Variants in ZNF302 observed in about 807,000 individuals in gnomAD.
ZNF302 encodes zinc finger protein 327.
A neutral mutation model predicts 10.8 loss-of-function variants in ZNF302; 12 were observed. That is an observed-to-expected ratio of 1.11 (90% CI 0.71 to 1.79). The LOEUF is 1.79. Ranked by LOEUF, ZNF302 falls within the 40% of genes most tolerant of loss-of-function variation. The probability of loss-of-function intolerance (pLI) is 0.00; values close to 1 mark genes in which losing one functional copy is unlikely to be tolerated. For synonymous variants in ZNF302, 178 were observed against 157.5 expected (o/e 1.13, Z -0.98); for missense variants, 461 against 471.1 (o/e 0.98, Z 0.20).
chr19:34,684,197 A>G, intron 4 of ZNF302, 55 bp from the exon 5 acceptor site: 1 of 1,283,842 alleles, frequency 7.8e-7, no homozygotes, highest in Admixed American at 3.1e-5. Context: ...AAAAAAAAAA[A>G]AAAAAAAAAA....
chr19:34,684,225 G>C (rs1478878103), intron 4 of ZNF302, 27 bp from the exon 5 acceptor site: 2 of 650,582 alleles, frequency 3.1e-6, no homozygotes, highest in Non-Finnish European at 4.8e-6. Flanking sequence ...AAAAAAGGCA[G>C]TGCTTTGCTT....
chr19:34,678,667 T>G, intron 1 of ZNF302, 70 bp from the exon 2 acceptor site: 1 of 799,380 alleles, frequency 1.3e-6, no homozygotes, highest in Non-Finnish European at 2.1e-6. Flanking sequence ...TCCATTAAGG[T>G]GTGTGACAGG....
At chr19:34,683,299 T>C in intron 4 of ZNF302, 61 bp downstream of exon 4, 1 of 1,601,116 alleles carries the variant, frequency 6.2e-7, no homozygotes, top group Non-Finnish European at 8.6e-7. Context: ...AAGATGTTTA[T>C]AGTGAGTGTG....
upstream of ZNF302, chr19:34,676,857 C>G (rs184702982): frequency 6.6e-6 from 1 of 152,248 alleles, no homozygotes; most frequent in African/African-American, 2.4e-5. Flanking sequence ...GGCTTGCATA[C>G]AGAGAGGTCC....
At position 34,678,598 on chromosome 19, in the gene ZNF302, C is replaced by T. The variant is rs147448875; in HGVS notation, c.-68-139C>T. On this transcript the variant is annotated intron_variant, in intron 1 of 4. Coordinates refer to ENST00000505242, the MANE Select transcript of ZNF302 (RefSeq NM_001289187.2). ...CTGGTAAATAGCCCTTGCGGAGAAA[C>T]ACCCTGTTCCTTCCCAGGGAGAGAT... 877 of 568,448 alleles carry T rather than the reference C, an allele frequency of 1.5e-3. 4 individuals are homozygous for T. The highest frequency in any genetic ancestry group is 3.7e-3 in the South Asian group (178 of 48,284). The allele number at this position is 568,448 out of a possible 1,614,324, so 35.2% of individuals were successfully genotyped here. A position where few individuals can be genotyped will look rare whatever the true frequency, so the allele number is the denominator to read the frequency against.
chr19:34,679,570 C>A (rs2068226543), intron 2 of ZNF302, among the ~76,000 whole-genome samples: 3 of 152,166 alleles, frequency 2.0e-5, no homozygotes. Flanking sequence ...GAATATTCTT[C>A]CCCCACATAC....
chr19:34,683,265 A>T, intron 4 of ZNF302, 27 bp downstream of exon 4: 3 of 1,613,434 alleles, frequency 1.9e-6, no homozygotes, highest in Non-Finnish European at 1.7e-6. Context: ...GTCATGGTGA[A>T]CGAGACAAAG....
In ZNF302 at chr19:34,684,555, T is replaced by C; in HGVS notation, c.518T>C (p.Leu173Pro). 1 of 1,613,776 alleles carries C rather than the reference T, an allele frequency of 6.2e-7. No homozygotes were observed. The highest frequency in any genetic ancestry group is 8.5e-7 in the Non-Finnish European group (1 of 1,179,780). Residue 173 changes from leucine to proline, a missense_variant, in exon 5 of 5, where the codon CTT (leucine) becomes CCT (proline). By Grantham distance (98) the Leu-to-Pro change is moderately conservative. Coordinates refer to ENST00000505242, the MANE Select transcript of ZNF302 (RefSeq NM_001289187.2). Reference protein sequence around the residue: ...KSERINGGKKLLNSNKSGAAF... With the variant: ...KSERINGGKKPLNSNKSGAAF... ...GAGAGAATAAATGGTGGAAAGAAAC[T>C]TTTAAATTCTAATAAAAGTGGGGCA...
chr19:34,679,734 C>A, intron 2 of ZNF302: 1 of 607,080 alleles, frequency 1.6e-6, no homozygotes, highest in East Asian at 2.8e-5. Flanking sequence ...GTGTGTCACT[C>A]ACTAGCTGAT....
Position 34,685,027 on chromosome 19 carries a change from C to T in ZNF302, c.990C>T (p.His330=), listed in dbSNP as rs2068589558. The stretch of plus-strand genomic sequence containing the variant: ...TCATTCATAGTTCGTCTCTCATTCA[C>T]CATCAGAAAAGCCATACTGGAGAGA... ...KAFIHSSSLI[H]HQKSHTGEKP... is the part of the protein sequence containing the mutation. The change falls in exon 5 of 5, where the codon CAC becomes CAT. Residue 330 remains histidine (H), a synonymous_variant. Transcript: ENST00000505242. 2 of 1,613,354 alleles carry T rather than the reference C, an allele frequency of 1.2e-6. No homozygotes were observed. The highest frequency in any genetic ancestry group is 1.3e-5 in the African/African-American group (1 of 74,868).
In ZNF302 at chr19:34,684,777, A is replaced by T; in HGVS notation, c.740A>T (p.His247Leu). The T allele has an allele frequency of 6.2e-7, 1 of 1,614,056 alleles. No homozygotes were observed. The highest frequency in any genetic ancestry group is 8.5e-7 in the Non-Finnish European group (1 of 1,179,900). Residue 247 changes from histidine (H) to leucine (L), a missense_variant, in exon 5 of 5, where the codon CAT (histidine) becomes CTT (leucine). Coordinates refer to ENST00000505242, the MANE Select transcript of ZNF302 (RefSeq NM_001289187.2). ...TFSHGSSLTR[H>L]QISHSGEKPY... is the part of the protein sequence containing the mutation. ...AGCCATGGTTCATCCCTTACACGAC[A>T]TCAGATAAGCCATAGTGGAGAGAAA...
chr19:34,678,788 T>C lies in ZNF302; in HGVS notation c.-17T>C, dbSNP rs531192202. The C allele has an allele frequency of 6.2e-7, 1 of 1,613,830 alleles. No individual in the cohort carries two copies. The highest frequency in any genetic ancestry group is 1.1e-5 in the South Asian group (1 of 91,080). On this transcript the variant is annotated 5_prime_UTR_variant, in exon 2 of 5. Coordinates refer to ENST00000505242, the MANE Select transcript of ZNF302 (RefSeq NM_001289187.2). The stretch of plus-strand genomic sequence containing the variant: ...CCTGGAAAGGGGACTCTGTTGGCCA[T>C]TGGAAATTGCAGAATAATGTCTCAG...
intron 4 of ZNF302, 128 bp downstream of exon 4, chr19:34,683,366 G>A (rs749359781): frequency 5.2e-5 from 55 of 1,061,400 alleles, no homozygotes; most frequent in Non-Finnish European, 7.2e-5. Flanking sequence ...AAAATTGAGG[G>A]ATATTTAGCT....
chr19:34,683,363 A>T (rs949516717), intron 4 of ZNF302, 125 bp downstream of exon 4: 3 of 1,102,456 alleles, frequency 2.7e-6, no homozygotes, highest in East Asian at 4.9e-5. Context: ...TGAAAAATTG[A>T]GGGATATTTA....
At position 34,685,365 on chromosome 19, in the gene ZNF302, A is replaced by G. The variant is rs1194664856; in HGVS notation, c.*128A>G. The G allele has an allele frequency of 6.2e-7, 1 of 1,613,054 alleles. No homozygotes were observed. Among genetic ancestry groups the G allele is most frequent in the East Asian group, 2.2e-5 (1 of 44,876 alleles). On this transcript the variant is annotated 3_prime_UTR_variant, in exon 5 of 5. Coordinates refer to ENST00000505242, the MANE Select transcript of ZNF302 (RefSeq NM_001289187.2). ...AGTCATAGGTCGTCCCTGCTTCAAC[A>G]TCACAGTATTCATACTGGAGAGAAA...
rs781288760 is a variant in ZNF302, at chr19:34,684,973, C to T, written c.936C>T (p.Arg312=). The T allele has an allele frequency of 1.2e-6, 2 of 1,613,930 alleles. No individual in the cohort carries two copies. Among genetic ancestry groups the T allele is most frequent in the South Asian group, 1.1e-5 (1 of 91,080 alleles). The part of the protein sequence containing the change: ...QHLRIHTQEK[R]YECRICGKAF... The stretch of plus-strand genomic sequence containing the variant: ...TAAGAATTCATACGCAAGAAAAACG[C>T]TATGAGTGTCGTATATGTGGAAAGG... Residue 312 remains arginine (R), a synonymous_variant, in exon 5 of 5, where the codon CGC becomes CGT. Transcript: ENST00000505242.
Position 34,683,981 on chromosome 19 carries a change from AT to A in ZNF302, c.215-268del, listed in dbSNP as rs2145335693. ...TCCTTTTTTCCATACTATTTTATCC[AT>A]TTCGTACAGCTTACCCATTTCCTTT... On this transcript the variant is annotated intron_variant, in intron 4 of 4. Transcript: ENST00000505242. 6 of 1,413,022 alleles carry A rather than the reference AT, an allele frequency of 4.2e-6. No homozygotes were observed. In the East Asian group the frequency reaches 1.6e-4, roughly 37 times the overall value. 87.5% of individuals were successfully genotyped at this position (1,413,022 alleles called of 1,614,324 possible).
intron 4 of ZNF302, chr19:34,683,967 A>G (rs1378401180): frequency 1.5e-6 from 2 of 1,338,736 alleles, no homozygotes; most frequent in Non-Finnish European, 1.9e-6. Context: ...CCTTTTTTCC[A>G]TACTATTTTA....
upstream of ZNF302, chr19:34,676,038 C>T (rs1372896261): frequency 6.6e-6 from 1 of 152,202 alleles, no homozygotes; most frequent in African/African-American, 2.4e-5. Flanking sequence ...GCGCGGTTGC[C>T]GCTGGTTGTT....
Sources: allele counts gnomAD v4.1 joint callset (sites outside exome capture counted in the v4.1 genomes callset), GRCh38; gene constraint gnomAD v4.1.1; transcripts MANE v1.5; gene names NCBI Gene and HGNC (gene_info 2026-07-23, HGNC 2026-07-21).